Variants in MYO5B observed in about 807,000 individuals in gnomAD.
The protein encoded by MYO5B is myosin VB, also known as unconventional myosin-Vb.
MYO5B carries 143 observed loss-of-function variants against 229.3 expected under a neutral mutation model. The ratio of observed to expected loss-of-function variants is 0.62; its 90% confidence interval spans 0.54 to 0.72. MYO5B has a LOEUF of 0.72. Ranked by LOEUF, MYO5B falls within the 30% of genes least tolerant of loss-of-function variation. The pLI is 0.00. For missense variants in MYO5B, 2,321 were observed against 2,331.0 expected (o/e 1.00, Z 0.09); for synonymous variants, 918 against 885.2 (o/e 1.04, Z -0.66).
intron 1 of MYO5B, among the ~76,000 whole-genome samples, chr18:50,096,487 CTT>C (rs2031553665): frequency 6.6e-6 from 1 of 152,124 alleles, no homozygotes; most frequent in Admixed American, 6.5e-5. Flanking sequence ...CTTTCTAAAA[CTT>C]AGGTCTGGCT....
chr18:50,061,582 T>C (rs1306169819), intron 1 of MYO5B, among the ~76,000 whole-genome samples: 1 of 152,210 alleles, frequency 6.6e-6, no homozygotes. Context: ...AGAGAATTGA[T>C]TCTCAGTGCT....
chr18:49,969,671 C>G (rs777956156), intron 10 of MYO5B: 5 of 152,110 alleles, frequency 3.3e-5, no homozygotes, highest in African/African-American at 1.2e-4. Context: ...CATGAGCCAC[C>G]GCGCCCGGCC....
chr18:50,104,377 A>AT (rs1184003468), intron 1 of MYO5B, among the ~76,000 whole-genome samples: 3 of 151,404 alleles, frequency 2.0e-5, no homozygotes, highest in African/African-American at 2.4e-5. Context: ...TTTTAAAAAA[A>AT]TGTTTTTACT....
intron 7 of MYO5B, among the ~76,000 whole-genome samples, chr18:49,988,548 T>C (rs1220861824): frequency 1.3e-5 from 2 of 152,146 alleles, no homozygotes; most frequent in African/African-American, 4.8e-5. Flanking sequence ...TTTAGGAGGA[T>C]TTCTTCCCCA....
intron 31 of MYO5B, among the ~76,000 whole-genome samples, chr18:49,851,495 C>A (rs1313333288): frequency 6.6e-6 from 1 of 152,206 alleles, no homozygotes; most frequent in Non-Finnish European, 1.5e-5. Flanking sequence ...TAGTGCTGGC[C>A]ACAGTGGTTG....
intron 37 of MYO5B, 112 bp downstream of exon 37, chr18:49,837,405 G>T: frequency 7.6e-7 from 1 of 1,323,510 alleles, no homozygotes; most frequent in Non-Finnish European, 1.1e-6. Flanking sequence ...GACAAGGACT[G>T]TCAATTAGAT....
intron 21 of MYO5B, among the ~76,000 whole-genome samples, chr18:49,900,220 C>A (rs1399936866): frequency 6.6e-6 from 1 of 152,232 alleles, no homozygotes; most frequent in Non-Finnish European, 1.5e-5. Context: ...GCCACAATAG[C>A]CACTGCCACC....
At chr18:49,861,359 A>G (rs2024326562) in intron 29 of MYO5B, among the ~76,000 whole-genome samples, 1 of 152,138 alleles carries the variant, frequency 6.6e-6, no homozygotes, top group Non-Finnish European at 1.5e-5. Context: ...AGAGGCTGCC[A>G]ATGGTGACGG....
chr18:49,921,446 CT>C (rs1568031708), intron 17 of MYO5B, among the ~76,000 whole-genome samples: 1 of 152,106 alleles, frequency 6.6e-6, no homozygotes, highest in African/African-American at 2.4e-5. Context: ...GGAAAAGCCT[CT>C]CTTCCTGGGC....
At chr18:49,879,269 G>A (rs986084075) in intron 23 of MYO5B, 179 bp from the exon 24 acceptor site, 1 of 713,668 alleles carries the variant, frequency 1.4e-6, no homozygotes, top group Non-Finnish European at 2.4e-6. Context: ...CATTACTCTG[G>A]CTTAGTCTTC....
chr18:50,049,770 A>T (rs766291771), intron 2 of MYO5B, among the ~76,000 whole-genome samples: 4 of 152,202 alleles, frequency 2.6e-5, no homozygotes, highest in Admixed American at 6.5e-5. Context: ...TGCCCCACTC[A>T]TCTCTAATCT....
intron 1 of MYO5B, among the ~76,000 whole-genome samples, chr18:50,144,179 T>C (rs1193545227): frequency 6.6e-6 from 1 of 152,042 alleles, no homozygotes. Context: ...AAACAATCCC[T>C]TTAAGTAGAA....
chr18:50,110,030 C>A (rs145278556), intron 1 of MYO5B, among the ~76,000 whole-genome samples: 1 of 152,270 alleles, frequency 6.6e-6, no homozygotes, highest in East Asian at 1.9e-4. Flanking sequence ...TCTCCCCACT[C>A]CCTTCACTCA....
At chr18:49,863,827 G>C (rs1418802674) in intron 28 of MYO5B, among the ~76,000 whole-genome samples, 2 of 152,160 alleles carry the variant, frequency 1.3e-5, no homozygotes, top group Non-Finnish European at 2.9e-5. Context: ...GGACTGAGGA[G>C]GACCAATGAC....
chr18:49,938,570 T>G (rs1043696991), intron 14 of MYO5B, among the ~76,000 whole-genome samples: 1 of 152,110 alleles, frequency 6.6e-6, no homozygotes, highest in East Asian at 1.9e-4. Context: ...CCTTCTCACC[T>G]ACCCTGTGCC....
intron 4 of MYO5B, among the ~76,000 whole-genome samples, chr18:50,004,758 T>TA (rs1012035403): frequency 2.0e-5 from 3 of 151,708 alleles, no homozygotes; most frequent in African/African-American, 4.8e-5. Flanking sequence ...TCTCAACTCT[T>TA]AAAAAAAATA....
At chr18:49,937,501 C>A (rs952908461) in intron 14 of MYO5B, 104 bp from the exon 15 acceptor site, 36 of 1,384,764 alleles carry the variant, frequency 2.6e-5, no homozygotes, top group Non-Finnish European at 3.5e-5. Context: ...GGAAAACACA[C>A]ATCCACGCCA....
In MYO5B at chr18:50,001,340, G is replaced by A; in HGVS notation, c.527C>T (p.Ala176Val). The change falls in exon 5 of 40, where the codon GCC (alanine) becomes GTC (valine). Residue 176 changes from alanine to valine, a missense_variant. Ala to Val is a moderately conservative substitution (Grantham distance 64, BLOSUM62 0). Coordinates refer to ENST00000285039, the MANE Select transcript of MYO5B (RefSeq NM_001080467.3). ...GAGKTVSAKY[A>V]MRYFATVGGS... ...ACCAACGGTGGCGAAATAGCGCATG[G>A]CATACTTGGCTGATACCGTCTTCCC... The A allele has an allele frequency of 6.2e-7, 1 of 1,614,122 alleles. No homozygotes were observed. Among genetic ancestry groups the A allele is most frequent in the Non-Finnish European group, 8.5e-7 (1 of 1,179,992 alleles).
chr18:49,998,609 C>T (rs898076636), intron 5 of MYO5B, among the ~76,000 whole-genome samples: 1 of 152,224 alleles, frequency 6.6e-6, no homozygotes, highest in African/African-American at 2.4e-5. Context: ...CACAGCAGCA[C>T]TATGCACAAT....
Sources: gnomAD v4.1 joint callset for allele counts (sites outside exome capture counted in the v4.1 genomes callset) on GRCh38, gnomAD v4.1.1 for gene constraint, MANE v1.5 for transcripts, NCBI Gene and HGNC (gene_info 2026-07-23, HGNC 2026-07-21) for gene names.